The following MGA variants were observed in gnomAD, a reference collection of about 807,000 sequenced individuals.
The protein encoded by MGA is MAX gene-associated protein.
In MGA, 40 loss-of-function variants were observed where a neutral mutation model predicts 261.1. The ratio of observed to expected loss-of-function variants is 0.15; its 90% CI spans 0.12 to 0.20. The LOEUF is 0.20. Among genes scored for constraint, MGA ranks in the 10% least tolerant of loss-of-function variants. The pLI is 1.00. For missense variants in MGA, 3,397 were observed against 3,630.5 expected, an observed-to-expected ratio of 0.94 and a Z score of 1.65; for synonymous variants, 1,302 against 1,290.6, an observed-to-expected ratio of 1.01 and a Z score of -0.19.
At chr15:41,670,167 A>C (rs1259455438) in intron 2 of MGA, among the ~76,000 whole-genome samples, 1 of 152,206 alleles carries the variant, frequency 6.6e-6, no homozygotes, top group Non-Finnish European at 1.5e-5. Context: ...AATTGTAGGC[A>C]AATTGGATAA....
At chr15:41,641,487 CTTTTTTTTT>C (rs35157141) in intron 1 of MGA, among the ~76,000 whole-genome samples, 1 of 123,690 alleles carries the variant, frequency 8.1e-6, no homozygotes, top group Admixed American at 8.6e-5. Flanking sequence ...CATCCTAACA[CTTTTTTTTT>C]TTTTTTTTTT....
intron 2 of MGA, chr15:41,684,360 T>A (rs966395950): frequency 3.1e-5 from 14 of 450,700 alleles, no homozygotes; most frequent in African/African-American, 6.0e-5. Flanking sequence ...TCCTTTTAAT[T>A]AACTGTTGTT....
rs577460197 is a variant in MGA, at chr15:41,667,926, C to T, written c.-67-902C>T. ...TCAAGTGATTCTCATGCCTCAGCCTCCTGAGTAGCTGGGACTACAGGCGTG... is the reference window on the plus strand; with the variant it reads ...TCAAGTGATTCTCATGCCTCAGCCTTCTGAGTAGCTGGGACTACAGGCGTG... On this transcript the variant is annotated intron_variant, in intron 1 of 23. Transcript: ENST00000219905. 7.0e-4 allele frequency among the ~76,000 whole-genome samples: 106 copies of T among 152,210 alleles called. 1 individual carries two copies. The South Asian group carries it at 0.016, about 23-fold the overall frequency.
chr15:41,628,984 C>CA (rs2056526465), intron 1 of MGA, among the ~76,000 whole-genome samples: 1 of 149,118 alleles, frequency 6.7e-6, no homozygotes, highest in Admixed American at 6.8e-5. Context: ...CTAAAAAATA[C>CA]AAAAAAAATT....
chr15:41,680,910 G>A (rs2058635851), intron 2 of MGA, among the ~76,000 whole-genome samples: 1 of 152,176 alleles, frequency 6.6e-6, no homozygotes, highest in African/African-American at 2.4e-5. Flanking sequence ...CAGAGTCCCA[G>A]TTCTTTAATC....
At chr15:41,753,302 C>T (rs1368524325) in intron 17 of MGA, among the ~76,000 whole-genome samples, 6 of 151,702 alleles carry the variant, frequency 4.0e-5, no homozygotes, top group African/African-American at 9.7e-5. Flanking sequence ...CCCAACTACT[C>T]GGGAGGCTGA....
chr15:41,648,074 A>G (rs1272909595), intron 1 of MGA, among the ~76,000 whole-genome samples: 2 of 152,206 alleles, frequency 1.3e-5, no homozygotes, highest in African/African-American at 4.8e-5. Context: ...ATGCTTCTAA[A>G]TATAATTATT....
At chr15:41,668,759 T>C in intron 1 of MGA, 69 bp from the exon 2 acceptor site, 2 of 552,166 alleles carry the variant, frequency 3.6e-6, no homozygotes, top group Non-Finnish European at 3.1e-6. Context: ...GTATTTTTGT[T>C]CAAGAAATAA....
At chr15:41,694,814 A>G (rs1212943702) in intron 2 of MGA, among the ~76,000 whole-genome samples, 2 of 152,054 alleles carry the variant, frequency 1.3e-5, no homozygotes, top group African/African-American at 2.4e-5. Flanking sequence ...GCCCGGCTCC[A>G]GGGTTTAATT....
At chr15:41,681,786 C>T (rs572190071) in intron 2 of MGA, among the ~76,000 whole-genome samples, 3 of 152,126 alleles carry the variant, frequency 2.0e-5, no homozygotes, top group South Asian at 4.1e-4. Flanking sequence ...GATAAATATT[C>T]TATACTGCTG....
At chr15:41,670,064 G>A in intron 2 of MGA, 106 bp downstream of exon 2, 2 of 892,734 alleles carry the variant, frequency 2.2e-6, no homozygotes, top group Middle Eastern at 2.9e-4. Flanking sequence ...GTTGATAAAT[G>A]TAAGCCACTA....
At chr15:41,755,305 G>C (rs2063082970) in intron 18 of MGA, among the ~76,000 whole-genome samples, 1 of 152,190 alleles carries the variant, frequency 6.6e-6, no homozygotes, top group Non-Finnish European at 1.5e-5. Context: ...CGTTCCTACT[G>C]ATGCTGAGAA....
At chr15:41,760,209 C>T (rs1329277141) in intron 19 of MGA, 114 bp from the exon 20 acceptor site, 4 of 960,764 alleles carry the variant, frequency 4.2e-6, no homozygotes, top group African/African-American at 1.6e-5. Flanking sequence ...GAGGCTGTTA[C>T]AACAGTCCAG....
intron 5 of MGA, among the ~76,000 whole-genome samples, chr15:41,701,520 A>C (rs985388459): frequency 6.6e-6 from 1 of 152,224 alleles, no homozygotes; most frequent in Non-Finnish European, 1.5e-5. Flanking sequence ...ATGGAAACTG[A>C]CTAGGTAACA....
chr15:41,713,452 A>C lies in MGA; in HGVS notation c.3386A>C (p.Glu1129Ala), dbSNP rs748437466. 3.8e-6 allele frequency: 6 copies of C among 1,558,462 alleles called. No homozygotes were observed. The South Asian group carries it at 7.0e-5, about 18-fold the overall frequency. ...GAGGAAGAAGGAATCAGGGAGGAGGAGGAACAATTGAAAGAGAAAAAGAAG... is the reference window on the plus strand; with the variant it reads ...GAGGAAGAAGGAATCAGGGAGGAGGCGGAACAATTGAAAGAGAAAAAGAAG... The change falls in exon 9 of 24, where the codon GAG becomes GCG. Residue 1129 changes from glutamate to alanine, a missense_variant. This residue lies in a region of MGA where 519 missense variants were observed against 554.1 expected (regional missense o/e 0.94). Coordinates refer to ENST00000219905, the MANE Select transcript of MGA (RefSeq NM_001164273.2).
intron 17 of MGA, among the ~76,000 whole-genome samples, chr15:41,752,513 T>C (rs184321040): frequency 2.5e-4 from 38 of 151,880 alleles, no homozygotes; most frequent in African/African-American, 9.2e-4. Context: ...TGAAAACTAT[T>C]ACTATTAGTG....
chr15:41,660,255 G>C (rs928355241), upstream of MGA, among the ~76,000 whole-genome samples: 1 of 152,312 alleles, frequency 6.6e-6, no homozygotes, highest in African/African-American at 2.4e-5. Flanking sequence ...CTTCCACTCG[G>C]GGGGCGGGTC....
intron 1 of MGA, among the ~76,000 whole-genome samples, chr15:41,622,109 T>A (rs1685821037): frequency 6.6e-6 from 1 of 152,170 alleles, no homozygotes. Flanking sequence ...GCGTCTTTGC[T>A]GCGGTCGGAT....
intron 7 of MGA, among the ~76,000 whole-genome samples, chr15:41,709,914 C>T (rs2060304917): frequency 2.0e-5 from 3 of 151,282 alleles, no homozygotes; most frequent in Admixed American, 6.6e-5. Context: ...CTCCCCGTCT[C>T]GGGTTCAAGC....
Sources: gnomAD v4.1 joint callset for allele counts (sites outside exome capture counted in the v4.1 genomes callset) on GRCh38, gnomAD v4.1.1 for gene constraint, gnomAD v4.1.1 regional missense constraint, MANE v1.5 for transcripts, NCBI Gene and HGNC (gene_info 2026-07-23, HGNC 2026-07-21) for gene names.